The following ZER1 variants were observed in gnomAD, a reference collection of about 807,000 sequenced individuals.
ZER1 encodes the protein zyg-11 related cell cycle regulator, also known as protein zer-1 homolog.
ZER1 carries 11 observed loss-of-function variants against 78.8 expected under a neutral mutation model. That is an observed-to-expected ratio of 0.14 (90% CI 0.09 to 0.23). The LOEUF (loss-of-function observed/expected upper bound fraction) is 0.23. Among genes scored for constraint, ZER1 ranks in the 10% least tolerant of loss-of-function variants. The pLI is 1.00. For missense variants in ZER1, 588 were observed against 996.9 expected (o/e 0.59, Z 5.52); for synonymous variants, 400 against 407.0 (o/e 0.98, Z 0.21).
At chr9:128,771,337 C>A (rs1008149967) in intron 1 of ZER1, among the ~76,000 whole-genome samples, 1 of 152,184 alleles carries the variant, frequency 6.6e-6, no homozygotes, top group African/African-American at 2.4e-5. Context: ...CCCTTTCAGC[C>A]CTACACCGAT....
intron 1 of ZER1, among the ~76,000 whole-genome samples, chr9:128,756,464 C>A (rs1420676952): frequency 6.6e-6 from 1 of 152,158 alleles, no homozygotes; most frequent in Non-Finnish European, 1.5e-5. Context: ...TTCATAGCAA[C>A]ATTATTTGTA....
Position 128,731,277 on chromosome 9 carries a change from T to G in ZER1, c.*60A>C. On this transcript the variant is annotated 3_prime_UTR_variant, in exon 16 of 16. Coordinates refer to ENST00000291900, the MANE Select transcript of ZER1 (RefSeq NM_006336.4). ...GAAGGGGCCCGCCCGCTGGGCTGCTTGAGCATGCTTCCTCCCCGCCTGTGG... is the reference window on the plus strand; with the variant it reads ...GAAGGGGCCCGCCCGCTGGGCTGCTGGAGCATGCTTCCTCCCCGCCTGTGG... The G allele has an allele frequency of 3.6e-4, 569 of 1,571,630 alleles. No individual in the cohort carries two copies. Among genetic ancestry groups the G allele is most frequent in the Non-Finnish European group, 4.5e-4 (522 of 1,147,604 alleles).
intron 8 of ZER1, among the ~76,000 whole-genome samples, chr9:128,746,962 C>A (rs907752446): frequency 1.3e-5 from 2 of 151,884 alleles, no homozygotes; most frequent in Admixed American, 6.6e-5. Flanking sequence ...AGAGAAGGGG[C>A]AGGTGGGCAG....
Position 128,771,603 on chromosome 9 carries a change from G to C in ZER1, c.-117C>G, listed in dbSNP as rs1344705256. On this transcript the variant is annotated 5_prime_UTR_variant, in exon 1 of 16. Coordinates refer to ENST00000291900, the MANE Select transcript of ZER1 (RefSeq NM_006336.4). ...TACCCTGGACGGGGCTGCCCTCAGC[G>C]TCGGGAAGCGGACGTGATGCTTCGC... The C allele has an allele frequency of 1.3e-5, 2 of 152,454 alleles. No homozygotes were observed. The highest frequency in any genetic ancestry group is 4.8e-5 in the African/African-American group (2 of 41,460). The allele number at this position is 152,454 out of a possible 1,614,324, so 9.4% of individuals were successfully genotyped here.
chr9:128,734,050 C>G (rs1445360179), intron 14 of ZER1, among the ~76,000 whole-genome samples: 1 of 107,104 alleles, frequency 9.3e-6, no homozygotes, highest in Non-Finnish European at 1.9e-5. Context: ...ATGGCGTGAA[C>G]CCGGGAGGCG....
intron 1 of ZER1, among the ~76,000 whole-genome samples, chr9:128,765,672 G>A (rs1322272156): frequency 3.9e-5 from 6 of 152,120 alleles, no homozygotes; most frequent in African/African-American, 1.4e-4. Context: ...ATTAACCTAG[G>A]AGCTGGGGGG....
At chr9:128,750,330 C>T (rs1269131229) in intron 8 of ZER1, among the ~76,000 whole-genome samples, 1 of 149,472 alleles carries the variant, frequency 6.7e-6, no homozygotes, top group Non-Finnish European at 1.5e-5. Context: ...GGTAAGAAAT[C>T]CCCCAGCAGA....
At chr9:128,739,674 AGT>A (rs1042608559) in intron 13 of ZER1, among the ~76,000 whole-genome samples, 2 of 151,784 alleles carry the variant, frequency 1.3e-5, no homozygotes, top group African/African-American at 2.4e-5. Flanking sequence ...AGTAGGTATT[AGT>A]GGTTTGCAAA....
At chr9:128,770,351 A>AACT (rs1864344738) in intron 1 of ZER1, among the ~76,000 whole-genome samples, 2 of 152,020 alleles carry the variant, frequency 1.3e-5, no homozygotes, top group South Asian at 2.1e-4. Context: ...GCTGGTCTTG[A>AACT]ACTCCTGACC....
chr9:128,768,478 G>C lies in ZER1; in HGVS notation c.-95+3103C>G, dbSNP rs558478552. ...TTCTTAATCTACAAATAGGAAAACT[G>C]AGGCCCAGAGAGGAGATGGAACCTG... On this transcript the variant is annotated intron_variant, in intron 1 of 15. Transcript: ENST00000291900. Among the ~76,000 whole-genome samples, 9 of 152,276 alleles carry C rather than the reference G, an allele frequency of 5.9e-5. No homozygotes were observed. The South Asian group carries it at 1.7e-3, about 28-fold the overall frequency.
Position 128,748,166 on chromosome 9 carries a change from G to A in ZER1, c.1359+2450C>T, listed in dbSNP as rs1274554843. 2.6e-5 allele frequency among the ~76,000 whole-genome samples: 4 copies of A among 152,196 alleles called. No homozygotes were observed. The East Asian group carries it at 7.7e-4, about 29-fold the overall frequency. ...CATGCCTATAATCCCAGCACTTTGG[G>A]AGGCCGACGCAGGCGGATCATGAGG... On this transcript the variant is annotated intron_variant, in intron 8 of 15. Transcript: ENST00000291900.
rs1863259743 is a variant in ZER1, at chr9:128,740,625, G to A, written c.1853+147C>T. 1.2e-5 allele frequency: 7 copies of A among 580,234 alleles called. No homozygotes were observed. The South Asian group carries it at 1.6e-4, about 13-fold the overall frequency. The allele number at this position is 580,234 out of a possible 1,614,324, so 35.9% of individuals were successfully genotyped here. A position where few individuals can be genotyped will look rare whatever the true frequency, so the allele number is the denominator to read the frequency against. On this transcript the variant is annotated intron_variant, in intron 12 of 15. Transcript: ENST00000291900. This position sits in a 1 kb window ranked among gnomAD's most constrained non-coding sequence, Gnocchi z 4.4. ...AATTACAAAAGGACCACTTACGAAG[G>A]ATTGAATGAATAAGAAACCACATTA...
chr9:128,733,363 C>T, intron 15 of ZER1, 63 bp downstream of exon 15: 1 of 1,466,308 alleles, frequency 6.8e-7, no homozygotes, highest in Non-Finnish European at 9.4e-7. Flanking sequence ...CCAGAGGGCG[C>T]CCGCTATGCC....
In ZER1 at chr9:128,740,565, G is replaced by A. The variant is rs1863256515; in HGVS notation, c.1853+207C>T. ...ACTGCACTTCAGCCTGGGTGACAGAGCAAGACTCCATCTCAAAAAAAAAAA... is the reference window on the plus strand; with the variant it reads ...ACTGCACTTCAGCCTGGGTGACAGAACAAGACTCCATCTCAAAAAAAAAAA... On this transcript the variant is annotated intron_variant, in intron 12 of 15. Transcript: ENST00000291900. The surrounding 1 kb of genome is among the most constrained non-coding windows in gnomAD (Gnocchi z 4.4). 6.8e-6 allele frequency among the ~76,000 whole-genome samples: 1 copy of A among 147,280 alleles called. No individual in the cohort carries two copies. The highest frequency in any genetic ancestry group is 1.5e-5 in the Non-Finnish European group (1 of 67,398).
At chr9:128,759,005 T>A (rs957490636) in intron 1 of ZER1, among the ~76,000 whole-genome samples, 1 of 149,694 alleles carries the variant, frequency 6.7e-6, no homozygotes, top group African/African-American at 2.5e-5. Context: ...GTGAATTTTT[T>A]TTTTTTTTTT....
Position 128,756,810 on chromosome 9 carries a change from G to C in ZER1, c.-94-1151C>G, listed in dbSNP as rs190778467. On this transcript the variant is annotated intron_variant, in intron 1 of 15. Coordinates refer to ENST00000291900, the MANE Select transcript of ZER1 (RefSeq NM_006336.4). ...TGGTCTAAAATTGACAGTGGTCATG[G>C]GTGCACTCTATGAATATACTAAAAA... 5.9e-5 allele frequency among the ~76,000 whole-genome samples: 9 copies of C among 152,160 alleles called. No individual in the cohort carries two copies. The East Asian group carries it at 1.7e-3, about 29-fold the overall frequency.
chr9:128,733,725 A>T (rs898858348), intron 14 of ZER1, among the ~76,000 whole-genome samples, 197 bp from the exon 15 acceptor site: 1 of 151,090 alleles, frequency 6.6e-6, no homozygotes, highest in African/African-American at 2.4e-5. Flanking sequence ...CATGTAGGGG[A>T]GGCAAGAGGT....
In ZER1 at chr9:128,752,654, A is replaced by G; in HGVS notation, c.923+19T>C. The G allele has an allele frequency of 6.2e-7, 1 of 1,602,974 alleles. No individual in the cohort carries two copies. The highest frequency in any genetic ancestry group is 2.2e-5 in the East Asian group (1 of 44,756). On this transcript the variant is annotated intron_variant, in intron 5 of 15. Coordinates refer to ENST00000291900, the MANE Select transcript of ZER1 (RefSeq NM_006336.4). ...GTTGAATGACACCCTACCAGTAGCC[A>G]TGGAGGCTGGGGCCCCACCTGGTCT...
Position 128,753,076 on chromosome 9 carries a change from AACCCT to A in ZER1, c.746+83_746+87del. 7.3e-7 allele frequency: 1 copy of A among 1,368,214 alleles called. No homozygotes were observed. The highest frequency in any genetic ancestry group is 1.5e-5 in the South Asian group (1 of 68,410). The allele number at this position is 1,368,214 out of a possible 1,614,324, so 84.8% of individuals were successfully genotyped here. ...CCCTCTGCCTAGCCAAGCGCTCCTG[AACCCT>A]GAGGGCGTGACAACACCCACCTCTA... On this transcript the variant is annotated intron_variant, in intron 4 of 15. Transcript: ENST00000291900. This position sits in a 1 kb window ranked among gnomAD's most constrained non-coding sequence, Gnocchi z 7.5.
Sources: gnomAD v4.1 joint callset for allele counts (sites outside exome capture counted in the v4.1 genomes callset) on GRCh38, gnomAD v4.1.1 for gene constraint, Gnocchi (gnomAD v3.1) non-coding constraint, MANE v1.5 for transcripts, NCBI Gene and HGNC (gene_info 2026-07-23, HGNC 2026-07-21) for gene names.